KMT2E: variants seen among roughly 807,000 people sequenced by gnomAD.
KMT2E encodes the protein histone reader KMT2E.
A neutral mutation model predicts 184.6 loss-of-function variants in KMT2E; 30 were observed. The observed-to-expected ratio is 0.16, with a 90% CI of 0.12 to 0.22. The LOEUF (loss-of-function observed/expected upper bound fraction) is 0.22, where lower values mean the gene tolerates loss of function less well. Ranked by LOEUF, KMT2E falls within the 10% of genes least tolerant of loss-of-function variation. The pLI is 1.00. For missense variants in KMT2E, 2,023 were observed against 2,237.4 expected, an observed-to-expected ratio of 0.90 and a Z score of 1.93; for synonymous variants, 815 against 776.5, an observed-to-expected ratio of 1.05 and a Z score of -0.82.
Position 105,110,805 on chromosome 7 carries a change from G to A in KMT2E, c.4005G>A (p.Thr1335=), listed in dbSNP as rs759367483. ...CTGAAAATCCAGAACCCACAACTAC[G>A]AATGAATGTCCATCCCCAGATACTT... The part of the protein sequence containing the change: ...PDPENPEPTT[T]NECPSPDTSQ... The change falls in exon 26 of 27, where the codon ACG becomes ACA. Residue 1335 remains threonine, a synonymous_variant. Coordinates refer to ENST00000311117, the MANE Select transcript of KMT2E (RefSeq NM_182931.3). The A allele has an allele frequency of 1.7e-5, 27 of 1,613,884 alleles. No homozygotes were observed. In the Admixed American group the frequency reaches 2.0e-4, roughly 12 times the overall value.
At chr7:105,064,179 T>G (rs1248020399) in intron 5 of KMT2E, 2 of 304,646 alleles carry the variant, frequency 6.6e-6, no homozygotes, top group Middle Eastern at 8.8e-4. Context: ...TTTTTTTTTT[T>G]TTTTTTTTTT....
At chr7:105,084,656 C>G (rs1205488294) in intron 13 of KMT2E, among the ~76,000 whole-genome samples, 4 of 151,422 alleles carry the variant, frequency 2.6e-5, no homozygotes, top group African/African-American at 4.9e-5. Context: ...CTGTATTGCA[C>G]TGAAGACTAT....
chr7:105,039,953 T>G (rs147723094), intron 2 of KMT2E, among the ~76,000 whole-genome samples: 5 of 152,294 alleles, frequency 3.3e-5, no homozygotes, highest in Admixed American at 6.5e-5. Context: ...TTAGAAAAAT[T>G]GATGTTGAAG....
At chr7:105,064,931 GTTC>G (rs1034234848) in intron 5 of KMT2E, among the ~76,000 whole-genome samples, 4 of 151,998 alleles carry the variant, frequency 2.6e-5, no homozygotes, top group African/African-American at 7.2e-5. Context: ...TCTTAGCAGT[GTTC>G]TTCTTTTGAT....
intron 3 of KMT2E, among the ~76,000 whole-genome samples, chr7:105,041,919 T>A (rs976254529): frequency 6.6e-6 from 1 of 152,214 alleles, no homozygotes; most frequent in Non-Finnish European, 1.5e-5. Flanking sequence ...TTGGAGGTGC[T>A]TTCATTTAAG....
intron 26 of KMT2E, 98 bp from the exon 27 acceptor site, chr7:105,111,727 T>G: frequency 7.3e-7 from 1 of 1,365,272 alleles, no homozygotes; most frequent in Non-Finnish European, 9.9e-7. Context: ...TGCCCCCCAT[T>G]AAAATTAATA....
chr7:105,055,872 CTTGT>C (rs1037443856), intron 3 of KMT2E, among the ~76,000 whole-genome samples: 7 of 151,680 alleles, frequency 4.6e-5, no homozygotes, highest in Admixed American at 1.3e-4. Context: ...TATTGTTACA[CTTGT>C]TTGTTTGCCT....
intron 26 of KMT2E, chr7:105,111,297 A>AGGAATGTGAGATTT (rs1270623227): frequency 5.9e-6 from 1 of 169,300 alleles, no homozygotes; most frequent in African/African-American, 2.4e-5. Context: ...ACTAAAGACA[A>AGGAATGTGAGATTT]GGAATGTGAG....
intron 13 of KMT2E, among the ~76,000 whole-genome samples, chr7:105,087,462 C>CA (rs1798032115): frequency 1.4e-5 from 2 of 147,316 alleles, no homozygotes; most frequent in Admixed American, 1.4e-4. Flanking sequence ...CTTGCTCTGT[C>CA]ACCCAGGCTG....
At chr7:105,018,560 T>G (rs1794810681) in intron 1 of KMT2E, among the ~76,000 whole-genome samples, 1 of 152,158 alleles carries the variant, frequency 6.6e-6, no homozygotes, top group Non-Finnish European at 1.5e-5. Flanking sequence ...GTGAGACTTG[T>G]TTCCCCCAAT....
intron 9 of KMT2E, 26 bp downstream of exon 9, chr7:105,076,107 G>C: frequency 1.3e-6 from 2 of 1,503,802 alleles, no homozygotes; most frequent in Non-Finnish European, 9.2e-7. Flanking sequence ...TTAAGGTGTT[G>C]TTATCAACTG....
intron 3 of KMT2E, among the ~76,000 whole-genome samples, chr7:105,045,283 A>G (rs1277051060): frequency 6.6e-6 from 1 of 152,242 alleles, no homozygotes; most frequent in Non-Finnish European, 1.5e-5. Flanking sequence ...TAGTGAAAAT[A>G]TATATTTTTA....
At chr7:105,057,744 G>A (rs958350721) in intron 3 of KMT2E, among the ~76,000 whole-genome samples, 3 of 152,004 alleles carry the variant, frequency 2.0e-5, no homozygotes, top group Non-Finnish European at 2.9e-5. Flanking sequence ...GAGCCACTGC[G>A]CCCAGCCTCT....
At chr7:105,088,843 A>G (rs939505935) in intron 13 of KMT2E, among the ~76,000 whole-genome samples, 4 of 152,232 alleles carry the variant, frequency 2.6e-5, no homozygotes, top group Non-Finnish European at 4.4e-5. Context: ...TCAGGCTTCC[A>G]TTTGAAAGAG....
At chr7:105,086,128 T>C (rs1357840456) in intron 13 of KMT2E, among the ~76,000 whole-genome samples, 2 of 152,218 alleles carry the variant, frequency 1.3e-5, no homozygotes, top group Non-Finnish European at 2.9e-5. Context: ...CTGCATTGTG[T>C]GTACCTATAC....
intron 3 of KMT2E, among the ~76,000 whole-genome samples, chr7:105,042,942 G>A (rs1205664990): frequency 6.6e-6 from 1 of 152,124 alleles, no homozygotes; most frequent in African/African-American, 2.4e-5. Context: ...TTATTGAAAT[G>A]TATGTTATTG....
chr7:105,099,926 AAC>A (rs1798584181), intron 15 of KMT2E, among the ~76,000 whole-genome samples: 1 of 152,204 alleles, frequency 6.6e-6, no homozygotes, highest in Non-Finnish European at 1.5e-5. Flanking sequence ...CCCTGATAAA[AAC>A]AGTTTTACAG....
At chr7:105,082,321 C>T (rs1797788087) in intron 13 of KMT2E, among the ~76,000 whole-genome samples, 1 of 152,142 alleles carries the variant, frequency 6.6e-6, no homozygotes, top group African/African-American at 2.4e-5. Context: ...GGTTGGAGCA[C>T]CAACTGCCTG....
At chr7:105,110,093 A>C (rs1799135936) in intron 23 of KMT2E, among the ~76,000 whole-genome samples, 187 bp from the exon 24 acceptor site, 1 of 152,078 alleles carries the variant, frequency 6.6e-6, no homozygotes, top group Non-Finnish European at 1.5e-5. Flanking sequence ...TTGGCCTCCC[A>C]AAGTGCTGGG....
Sources: gnomAD v4.1 joint callset for allele counts (sites outside exome capture counted in the v4.1 genomes callset) on GRCh38, gnomAD v4.1.1 for gene constraint, MANE v1.5 for transcripts, NCBI Gene and HGNC (gene_info 2026-07-23, HGNC 2026-07-21) for gene names.